NECTIN3: variants seen among roughly 807,000 people sequenced by gnomAD.
The protein encoded by NECTIN3 is nectin cell adhesion molecule 3.
NECTIN3 carries 8 observed loss-of-function variants against 49.4 expected under a neutral mutation model. That is an observed-to-expected ratio of 0.16 (90% CI 0.10 to 0.29). NECTIN3 has a LOEUF of 0.29. NECTIN3 is among the 10% of genes least tolerant of loss of function. The probability of loss-of-function intolerance (pLI) is 1.00; values close to 1 mark genes in which losing one functional copy is unlikely to be tolerated. For missense variants in NECTIN3, 581 were observed against 654.6 expected (o/e 0.89, Z 1.23); for synonymous variants, 277 against 241.1 (o/e 1.15, Z -1.38).
intron 1 of NECTIN3, 159 bp downstream of exon 1, chr3:111,072,336 G>A: frequency 1.4e-6 from 2 of 1,440,004 alleles, no homozygotes; most frequent in Non-Finnish European, 1.8e-6. Context: ...CGCGCCCGGG[G>A]CGAGGCCCTG....
At chr3:111,164,643 T>G (rs1210164162) in intron 7 of NECTIN3, among the ~76,000 whole-genome samples, 1 of 152,224 alleles carries the variant, frequency 6.6e-6, no homozygotes, top group Non-Finnish European at 1.5e-5. Flanking sequence ...TTCCGTTGGT[T>G]GCTGGGAATC....
At chr3:111,181,735 CT>C (rs1294057184) in intron 7 of NECTIN3, among the ~76,000 whole-genome samples, 1 of 151,930 alleles carries the variant, frequency 6.6e-6, no homozygotes, top group Non-Finnish European at 1.5e-5. Context: ...GTAATGTCAC[CT>C]TTTTCATTTT....
At chr3:111,149,001 T>C (rs950732586) in intron 7 of NECTIN3, among the ~76,000 whole-genome samples, 1 of 152,170 alleles carries the variant, frequency 6.6e-6, no homozygotes, top group Non-Finnish European at 1.5e-5. Context: ...TTATGGTTTA[T>C]ATTTCATTTT....
Position 111,134,322 on chromosome 3 carries a change from A to AT in NECTIN3, c.*111dup. On this transcript the variant is annotated 3_prime_UTR_variant, in exon 6 of 6. Transcript: ENST00000485303. ...AGGAAGAATAAGCTTTTTCAAGTTG[A>AT]TTTTCAAGCTTACTTTTTATATTCT... is the stretch of plus-strand genomic sequence containing the variant. The AT allele has an allele frequency of 6.9e-7, 1 of 1,453,114 alleles. No individual in the cohort carries two copies. Among genetic ancestry groups the AT allele is most frequent in the Non-Finnish European group, 9.0e-7 (1 of 1,105,956 alleles). The allele number at this position is 1,453,114 out of a possible 1,614,324, so 90.0% of individuals were successfully genotyped here.
chr3:111,173,617 A>C (rs2035472900), intron 7 of NECTIN3, among the ~76,000 whole-genome samples: 2 of 151,844 alleles, frequency 1.3e-5, no homozygotes, highest in Non-Finnish European at 2.9e-5. Context: ...TTCTCCTTCT[A>C]TTGTTGTTTT....
intron 1 of NECTIN3, among the ~76,000 whole-genome samples, chr3:111,094,941 A>G (rs1002272742): frequency 6.6e-6 from 1 of 152,210 alleles, no homozygotes; most frequent in African/African-American, 2.4e-5. Flanking sequence ...TTAAGGGCTA[A>G]TTTTGCAGGA....
chr3:111,170,673 C>T (rs2035417597), intron 7 of NECTIN3, among the ~76,000 whole-genome samples: 2 of 152,082 alleles, frequency 1.3e-5, no homozygotes, highest in Non-Finnish European at 2.9e-5. Context: ...CTGGCTAAAC[C>T]AACATAACAG....
chr3:111,128,310 C>T (rs1324526951), intron 5 of NECTIN3, among the ~76,000 whole-genome samples: 2 of 146,890 alleles, frequency 1.4e-5, no homozygotes, highest in Non-Finnish European at 3.0e-5. Context: ...GATGACAGAG[C>T]GAAACTCTGT....
intron 2 of NECTIN3, among the ~76,000 whole-genome samples, chr3:111,117,245 G>A (rs772424101): frequency 9.9e-5 from 15 of 151,996 alleles, no homozygotes; most frequent in African/African-American, 1.9e-4. Flanking sequence ...ACAAAAATAC[G>A]TATGGTCCAA....
In NECTIN3 at chr3:111,126,313, C is replaced by G; in HGVS notation, c.1047C>G (p.Asp349Glu). The change falls in exon 5 of 6, where the codon GAC (aspartate) becomes GAG (glutamate). Residue 349 changes from aspartate (D) to glutamate (E), a missense_variant. By Grantham distance (45) the Asp-to-Glu change is conservative (BLOSUM62 2). Transcript: ENST00000485303. ...CCAATTCCCTTGGTCAAAGAAGTGA[C>G]CAAAAAGTCATCTACATTTCAGGTA... ...KVTNSLGQRS[D>E]QKVIYISDPP... 1 of 1,605,020 alleles carries G rather than the reference C, an allele frequency of 6.2e-7. No homozygotes were observed.
At chr3:111,144,841 C>A in intron 5 of NECTIN3, 1 of 1,480,620 alleles carries the variant, frequency 6.8e-7, no homozygotes, top group Non-Finnish European at 9.1e-7. Context: ...AAAAGGTATG[C>A]AATTTCAAGA....
chr3:111,164,606 A>G (rs1300473241), intron 7 of NECTIN3, among the ~76,000 whole-genome samples: 1 of 152,138 alleles, frequency 6.6e-6, no homozygotes, highest in Non-Finnish European at 1.5e-5. Flanking sequence ...TCCTGGGGGG[A>G]AATCTTTTCC....
chr3:111,154,145 C>T (rs2035053248), intron 7 of NECTIN3, among the ~76,000 whole-genome samples: 1 of 152,118 alleles, frequency 6.6e-6, no homozygotes, highest in African/African-American at 2.4e-5. Flanking sequence ...CCTAGTGTCC[C>T]TTTGTAATCT....
intron 1 of NECTIN3, among the ~76,000 whole-genome samples, chr3:111,104,675 T>C (rs1018649915): frequency 3.3e-5 from 5 of 152,246 alleles, no homozygotes; most frequent in East Asian, 1.9e-4. Flanking sequence ...TTGGGAGTTC[T>C]TTATGTGTTT....
chr3:111,118,227 T>A (rs2033770275), intron 2 of NECTIN3, among the ~76,000 whole-genome samples: 1 of 129,514 alleles, frequency 7.7e-6, no homozygotes, highest in African/African-American at 2.8e-5. Flanking sequence ...TGCTTTAAAA[T>A]TTTTTTACTG....
rs1229481437 is a variant in NECTIN3, at chr3:111,072,001, C to T, written c.-17C>T. 1.3e-5 allele frequency: 14 copies of T among 1,115,454 alleles called. No homozygotes were observed. Among genetic ancestry groups the T allele is most frequent in the African/African-American group, 7.5e-5 (3 of 39,992 alleles). 69.1% of individuals were successfully genotyped at this position (1,115,454 alleles called of 1,614,324 possible). On this transcript the variant is annotated 5_prime_UTR_variant, in exon 1 of 6. Transcript: ENST00000485303. ...CCGGGGGGCGGGCGGGCGAGCGGGC[C>T]GGGGGGAGGGTGGGGGATGGCGCGG...
chr3:111,083,443 T>C (rs1466180269), intron 1 of NECTIN3, among the ~76,000 whole-genome samples: 2 of 152,064 alleles, frequency 1.3e-5, no homozygotes, highest in African/African-American at 2.4e-5. Context: ...AGTGTCCTTA[T>C]AAGAAGAGGA....
At position 111,072,128 on chromosome 3, in the gene NECTIN3, T is replaced by C; in HGVS notation, c.111T>C (p.Pro37=). Residue 37 remains proline (P), a synonymous_variant, in exon 1 of 6, where the codon CCT becomes CCC. Transcript: ENST00000485303. ...TCCTGCTGCAGCCCCCGACGCCACC[T>C]CCGCTGCTGCTGCTGCTCTTCCCGC... ...AGLLLQPPTP[P]PLLLLLFPLL... 1 of 1,549,900 alleles carries C rather than the reference T, an allele frequency of 6.5e-7. No homozygotes were observed. Among genetic ancestry groups the C allele is most frequent in the Non-Finnish European group, 8.7e-7 (1 of 1,146,492 alleles).
At chr3:111,114,460 A>C (rs7615927) in intron 2 of NECTIN3, among the ~76,000 whole-genome samples, 4,858 of 152,180 alleles carry the variant, frequency 0.032, 88 homozygotes, top group Middle Eastern at 0.058. Context: ...TGTTTTCTCC[A>C]CTATAAACAT....
Sources: allele counts gnomAD v4.1 joint callset (sites outside exome capture counted in the v4.1 genomes callset), GRCh38; gene constraint gnomAD v4.1.1; transcripts MANE v1.5; gene names NCBI Gene and HGNC (gene_info 2026-07-23, HGNC 2026-07-21).